The following C4orf36 variants were observed in gnomAD, a reference collection of about 807,000 sequenced individuals.
C4orf36 encodes the protein uncharacterized protein C4orf36.
In C4orf36, 11 loss-of-function variants were observed where a neutral mutation model predicts 12.2. The ratio of observed to expected loss-of-function variants is 0.90; its 90% confidence interval spans 0.57 to 1.49. The LOEUF (loss-of-function observed/expected upper bound fraction) is 1.49. Among genes scored for constraint, C4orf36 ranks in the 40% most tolerant of loss-of-function variants. The probability of loss-of-function intolerance (pLI) is 0.00; values close to 1 mark genes in which losing one functional copy is unlikely to be tolerated. For missense variants in C4orf36, 137 were observed against 133.9 expected (o/e 1.02, Z -0.11); for synonymous variants, 54 against 51.3 (o/e 1.05, Z -0.22).
chr4:86,880,852 G>A (rs1174434968), intron 4 of C4orf36, among the ~76,000 whole-genome samples: 1 of 152,128 alleles, frequency 6.6e-6, no homozygotes, highest in Non-Finnish European at 1.5e-5. Flanking sequence ...GACAAGGCTG[G>A]TCAACATGGC....
At chr4:86,904,530 C>T in the C4orf36 span, among the ~76,000 whole-genome samples, 1 of 144,378 alleles carries the variant, frequency 6.9e-6, no homozygotes, top group Non-Finnish European at 1.5e-5. Flanking sequence ...TGCAGTGAGC[C>T]AAGATCGCGC....
chr4:86,922,107 C>T, the C4orf36 span, among the ~76,000 whole-genome samples: 2 of 152,038 alleles, frequency 1.3e-5, no homozygotes, highest in Admixed American at 1.3e-4. Context: ...AAAAAACACA[C>T]ATAAATAGGC....
chr4:86,887,922 G>T, intron 3 of C4orf36, 29 bp from the exon 4 acceptor site: 1 of 1,612,716 alleles, frequency 6.2e-7, no homozygotes, highest in South Asian at 1.1e-5. Context: ...AAAACAATCT[G>T]ACATACATTT....
At chr4:86,926,038 G>A in the C4orf36 span, 1 of 151,994 alleles carries the variant, frequency 6.6e-6, no homozygotes, top group East Asian at 1.9e-4. Flanking sequence ...CACCACGCCT[G>A]GCTAATTTTT....
intron 1 of C4orf36, chr4:86,891,956 G>A (rs938454037): frequency 1.1e-5 from 11 of 992,808 alleles, no homozygotes; most frequent in Non-Finnish European, 1.3e-5. Context: ...GCCCCGGCCC[G>A]GGCACTTTGA....
chr4:86,891,284 A>T (rs1185133589), intron 2 of C4orf36, among the ~76,000 whole-genome samples, 172 bp downstream of exon 2: 2 of 120,490 alleles, frequency 1.7e-5, no homozygotes, highest in Non-Finnish European at 3.5e-5. Context: ...AACTTATAAA[A>T]GCAGTTGCCA....
the C4orf36 span, among the ~76,000 whole-genome samples, chr4:86,903,903 C>T: frequency 6.6e-6 from 1 of 152,156 alleles, no homozygotes; most frequent in Non-Finnish European, 1.5e-5. Context: ...TCCCCACTGA[C>T]TAGCTAGACA....
chr4:86,882,972 A>G (rs988753694), intron 4 of C4orf36, among the ~76,000 whole-genome samples: 3 of 152,162 alleles, frequency 2.0e-5, no homozygotes, highest in East Asian at 1.9e-4. Context: ...TCGCAAACTG[A>G]TATCACCAAT....
At chr4:86,932,282 G>A in the C4orf36 span, 1 of 151,434 alleles carries the variant, frequency 6.6e-6, no homozygotes, top group African/African-American at 2.4e-5. Context: ...AGGAGGTGGA[G>A]GTTGCGGCGA....
rs1210904624 is a variant in C4orf36 at position 86,881,014 on chromosome 4, C to T, written c.*3-4571G>A. Among the ~76,000 whole-genome samples the T allele has an allele frequency of 2.9e-5, 4 of 137,174 alleles. No individual in the cohort carries two copies. The East Asian group carries it at 8.4e-4, about 29-fold the overall frequency. The allele number at this position is 137,174 out of a possible 152,430, so 90.0% of individuals were successfully genotyped here. ...CACCACTCGACTCCAGCCTGGGCAA[C>T]AGAGTGAGATTCCGCCTCAAAAAAA... On this transcript the variant is annotated intron_variant, in intron 4 of 4. Transcript: ENST00000295898.
chr4:86,902,175 C>G, the C4orf36 span, among the ~76,000 whole-genome samples: 2 of 152,092 alleles, frequency 1.3e-5, no homozygotes, highest in Non-Finnish European at 2.9e-5. Context: ...AATCTCAGCA[C>G]TTTGGGAGGC....
chr4:86,928,858 C>A, the C4orf36 span, among the ~76,000 whole-genome samples: 10 of 152,010 alleles, frequency 6.6e-5, no homozygotes, highest in Admixed American at 4.6e-4. Context: ...ACACATTTTC[C>A]CCAACTTCCT....
intron 4 of C4orf36, chr4:86,887,489 A>C: frequency 3.1e-6 from 1 of 317,874 alleles, no homozygotes; most frequent in East Asian, 5.0e-5. Context: ...GTGCAATTTT[A>C]CAAAAATTAA....
At chr4:86,882,358 T>G (rs2149420113) in intron 4 of C4orf36, among the ~76,000 whole-genome samples, 1 of 152,342 alleles carries the variant, frequency 6.6e-6, no homozygotes, top group Non-Finnish European at 1.5e-5. Flanking sequence ...ATGTGTGATC[T>G]GAGAGACCAG....
intron 1 of C4orf36, 88 bp from the exon 2 acceptor site, chr4:86,891,681 G>C (rs1175058814): frequency 8.0e-7 from 1 of 1,256,310 alleles, no homozygotes; most frequent in African/African-American, 1.5e-5. Context: ...ATGTCAGAAA[G>C]TCCTTAATAA....
chr4:86,915,529 A>G, the C4orf36 span, among the ~76,000 whole-genome samples: 257 of 152,324 alleles, frequency 1.7e-3, 3 homozygotes, highest in East Asian at 1.9e-3. Context: ...CACGCCTGTA[A>G]TCCCAGCACT....
upstream of C4orf36, among the ~76,000 whole-genome samples, chr4:86,897,164 C>G (rs1330623904): frequency 6.6e-6 from 1 of 152,004 alleles, no homozygotes; most frequent in Non-Finnish European, 1.5e-5. Context: ...AGTTCAAGAC[C>G]AGCCTGAGCA....
At chr4:86,935,654 G>C in the C4orf36 span, 1 of 152,284 alleles carries the variant, frequency 6.6e-6, no homozygotes, top group Non-Finnish European at 1.5e-5. Flanking sequence ...GGGAAAAGTG[G>C]GGTTCTTCTC....
chr4:86,891,465 C>A lies in C4orf36; in HGVS notation c.56G>T (p.Cys19Phe). Residue 19 changes from cysteine (C) to phenylalanine (F), a missense_variant, in exon 2 of 5, where the codon TGT (cysteine) becomes TTT (phenylalanine). By Grantham distance (205) the Cys-to-Phe change is radical. Coordinates refer to ENST00000295898, the MANE Select transcript of C4orf36 (RefSeq NM_144645.4). ...AAAAAATAGTACTTACACATTATAA[C>A]AACTGCCCCGCAAAATGGTTTTCAC... ...NTVKTILRGS[C>F]YNVQEPWDIA... is the part of the protein sequence containing the mutation. The A allele has an allele frequency of 1.2e-6, 2 of 1,613,586 alleles. No homozygotes were observed. The highest frequency in any genetic ancestry group is 1.7e-6 in the Non-Finnish European group (2 of 1,179,868).
Sources: gnomAD v4.1 joint callset for allele counts (sites outside exome capture counted in the v4.1 genomes callset) on GRCh38, gnomAD v4.1.1 for gene constraint, MANE v1.5 for transcripts, NCBI Gene and HGNC (gene_info 2026-07-23, HGNC 2026-07-21) for gene names.